Variants in SLC9A2 observed in about 807,000 individuals in gnomAD.
The protein encoded by SLC9A2 is solute carrier family 9 member A2.
Under a neutral mutation model 71.7 loss-of-function variants are expected in SLC9A2, and 42 were observed. The observed-to-expected ratio is 0.59, with a 90% confidence interval of 0.46 to 0.76. SLC9A2 has a LOEUF of 0.76. Ranked by LOEUF, SLC9A2 falls within the 30% of genes least tolerant of loss-of-function variation. The pLI is 0.00. For missense variants in SLC9A2, 829 were observed against 1,017.4 expected (o/e 0.81, Z 2.52); for synonymous variants, 396 against 392.5 (o/e 1.01, Z -0.10).
In SLC9A2 at chr2:102,683,426, C is replaced by T. The variant is rs561184487; in HGVS notation, c.1170C>T (p.Asn390=). 6.2e-7 allele frequency: 1 copy of T among 1,614,242 alleles called. No individual in the cohort carries two copies. The highest frequency in any genetic ancestry group is 8.5e-7 in the Non-Finnish European group (1 of 1,180,042). Residue 390 remains asparagine, a synonymous_variant, in exon 4 of 12, where the codon AAC becomes AAT. Coordinates refer to ENST00000233969, the MANE Select transcript of SLC9A2 (RefSeq NM_003048.6). ...VSTVGKNHEW[N]WAFVCFTLAF... ...CCGTGGGCAAGAACCACGAGTGGAACTGGGCCTTCGTCTGCTTCACCCTGG... is the reference window on the plus strand; with the variant it reads ...CCGTGGGCAAGAACCACGAGTGGAATTGGGCCTTCGTCTGCTTCACCCTGG...
chr2:102,704,919 T>C (rs1677945048), intron 10 of SLC9A2, among the ~76,000 whole-genome samples: 1 of 152,066 alleles, frequency 6.6e-6, no homozygotes, highest in Non-Finnish European at 1.5e-5. Context: ...CGTGGGCCGG[T>C]CGTGGTGGCT....
chr2:102,665,308 C>T lies in SLC9A2; in HGVS notation c.962C>T (p.Ser321Phe). 1 of 1,613,896 alleles carries T rather than the reference C, an allele frequency of 6.2e-7. No individual in the cohort carries two copies. The highest frequency in any genetic ancestry group is 8.5e-7 in the Non-Finnish European group (1 of 1,179,894). Residue 321 changes from serine to phenylalanine, a missense_variant, in exon 3 of 12, where the codon TCC (serine) becomes TTC (phenylalanine). Physicochemically the swap from Ser to Phe is radical, Grantham distance 155. This residue lies in a region of SLC9A2 where 500 missense variants were observed against 726.3 expected (regional missense o/e 0.69). Coordinates refer to ENST00000233969, the MANE Select transcript of SLC9A2 (RefSeq NM_003048.6). ...TTTGTTTTCCTGTACAGTTATTTGT[C>T]CTACATCACAGCTGAAATGTTTCAC... ...PLFVFLYSYL[S>F]YITAEMFHLS...
At chr2:102,664,727 A>G (rs953354223) in intron 2 of SLC9A2, among the ~76,000 whole-genome samples, 4 of 152,178 alleles carry the variant, frequency 2.6e-5, no homozygotes, top group Non-Finnish European at 5.9e-5. Context: ...TCACTGTCAT[A>G]TTACTTACCA....
intron 7 of SLC9A2, among the ~76,000 whole-genome samples, chr2:102,698,092 C>G (rs997260255): frequency 2.0e-5 from 3 of 152,190 alleles, no homozygotes; most frequent in Admixed American, 1.3e-4. Context: ...TTTACTCTCT[C>G]TAGTGAAAAG....
At chr2:102,703,227 T>C (rs1677909096) in intron 9 of SLC9A2, among the ~76,000 whole-genome samples, 1 of 152,224 alleles carries the variant, frequency 6.6e-6, no homozygotes, top group African/African-American at 2.4e-5. Flanking sequence ...CAGTACCTTT[T>C]AATTTAAAAT....
intron 3 of SLC9A2, among the ~76,000 whole-genome samples, chr2:102,682,979 G>A (rs867155700): frequency 3.9e-5 from 6 of 152,250 alleles, no homozygotes; most frequent in Middle Eastern, 3.4e-3. Flanking sequence ...TGATGGTGTC[G>A]ACGTCCATAG....
At chr2:102,682,645 T>A (rs954804586) in intron 3 of SLC9A2, among the ~76,000 whole-genome samples, 13 of 152,204 alleles carry the variant, frequency 8.5e-5, no homozygotes, top group African/African-American at 2.9e-4. Context: ...TAAAACCTTT[T>A]GAATTTCCCA....
chr2:102,701,337 C>A, intron 8 of SLC9A2, 106 bp downstream of exon 8: 2 of 862,674 alleles, frequency 2.3e-6, no homozygotes, highest in Admixed American at 3.4e-5. Context: ...ATTGATCCGC[C>A]CCCCTCGGCC....
rs1447524017 is a variant in SLC9A2 at position 102,710,306 on chromosome 2, A to G, written c.*1817A>G. 1 of 152,538 alleles carries G rather than the reference A, an allele frequency of 6.6e-6. No individual in the cohort carries two copies. Among genetic ancestry groups the G allele is most frequent in the Non-Finnish European group, 1.5e-5 (1 of 68,038 alleles). 9.4% of individuals were successfully genotyped at this position (152,538 alleles called of 1,614,324 possible). A position where few individuals can be genotyped will look rare whatever the true frequency, so the allele number is the denominator to read the frequency against. The stretch of plus-strand genomic sequence containing the variant: ...TTTATGATAATAACATGATTCAAGA[A>G]ATGTGATGTAGATTTTTGAGAATGC... On this transcript the variant is annotated 3_prime_UTR_variant, in exon 12 of 12. Transcript: ENST00000233969.
At chr2:102,634,371 T>C (rs1442338851) in intron 1 of SLC9A2, among the ~76,000 whole-genome samples, 1 of 152,228 alleles carries the variant, frequency 6.6e-6, no homozygotes, top group Non-Finnish European at 1.5e-5. Context: ...TGGATTTGGG[T>C]GAGTCAATTA....
At chr2:102,655,517 T>C (rs949499910) in intron 1 of SLC9A2, among the ~76,000 whole-genome samples, 2 of 152,166 alleles carry the variant, frequency 1.3e-5, no homozygotes, top group Non-Finnish European at 2.9e-5. Context: ...AACTTTTTTG[T>C]TTAAAAACAA....
chr2:102,693,461 T>C (rs1677700952), intron 5 of SLC9A2, among the ~76,000 whole-genome samples: 1 of 152,228 alleles, frequency 6.6e-6, no homozygotes, highest in South Asian at 2.1e-4. Flanking sequence ...AGTGATATGT[T>C]CACTATTGAT....
At chr2:102,684,740 C>A (rs539122742) in intron 5 of SLC9A2, among the ~76,000 whole-genome samples, 1 of 152,308 alleles carries the variant, frequency 6.6e-6, no homozygotes, top group East Asian at 1.9e-4. Flanking sequence ...TGGATGAATG[C>A]ACGTTTAATA....
chr2:102,676,136 T>C (rs1015630270), intron 3 of SLC9A2, among the ~76,000 whole-genome samples: 2 of 152,266 alleles, frequency 1.3e-5, no homozygotes, highest in Non-Finnish European at 2.9e-5. Flanking sequence ...AAGTATTCTG[T>C]GTATGTGTCT....
chr2:102,684,470 G>C lies in SLC9A2; in HGVS notation c.1425+134G>C, dbSNP rs1323290315. The C allele has an allele frequency of 3.6e-6, 3 of 836,670 alleles. No individual in the cohort carries two copies. The African/African-American group carries it at 5.0e-5, about 14-fold the overall frequency. 51.8% of individuals were successfully genotyped at this position (836,670 alleles called of 1,614,324 possible). ...ATTACTAGGGAAAATGATATTTCCT[G>C]TCTGGGTTCATGTCACTAGATTGTT... On this transcript the variant is annotated intron_variant, in intron 5 of 11. Transcript: ENST00000233969.
intron 3 of SLC9A2, among the ~76,000 whole-genome samples, chr2:102,679,003 C>A (rs1291070160): frequency 6.6e-6 from 1 of 152,200 alleles, no homozygotes; most frequent in Non-Finnish European, 1.5e-5. Flanking sequence ...AAAAAAATCT[C>A]TTTGCAGTAA....
At chr2:102,686,827 G>A (rs1163830066) in intron 5 of SLC9A2, 3 of 152,396 alleles carry the variant, frequency 2.0e-5, no homozygotes, top group Non-Finnish European at 4.4e-5. Context: ...AGTGATGTAG[G>A]AGCATGGCTT....
chr2:102,654,427 C>T (rs533911675), intron 1 of SLC9A2, among the ~76,000 whole-genome samples: 4 of 152,154 alleles, frequency 2.6e-5, no homozygotes, highest in African/African-American at 9.6e-5. Flanking sequence ...TTATTGGAGC[C>T]TTTTGTAGTA....
At chr2:102,661,641 T>C (rs1677051009) in intron 2 of SLC9A2, among the ~76,000 whole-genome samples, 6 of 152,210 alleles carry the variant, frequency 3.9e-5, no homozygotes, top group Admixed American at 3.9e-4. Flanking sequence ...AGTTCCTAAC[T>C]CCTAATGTTA....
Sources: allele counts gnomAD v4.1 joint callset (sites outside exome capture counted in the v4.1 genomes callset), GRCh38; gene constraint gnomAD v4.1.1; regional missense constraint gnomAD v4.1.1; transcripts MANE v1.5; gene names NCBI Gene and HGNC (gene_info 2026-07-23, HGNC 2026-07-21).